ADAM19: variants seen among roughly 807,000 people sequenced by gnomAD.
The protein encoded by ADAM19 is disintegrin and metalloproteinase domain-containing protein 19.
Under a neutral mutation model 114.7 loss-of-function variants are expected in ADAM19, and 65 were observed. The observed-to-expected ratio is 0.57, with a 90% CI of 0.46 to 0.70. The LOEUF (loss-of-function observed/expected upper bound fraction) is 0.70. ADAM19 is among the 30% of genes least tolerant of loss of function. The pLI, the probability that ADAM19 is intolerant of heterozygous loss-of-function variation, is 0.00. For missense variants in ADAM19, 1,063 were observed against 1,204.7 expected, an observed-to-expected ratio of 0.88 and a Z score of 1.74; for synonymous variants, 466 against 460.5, an observed-to-expected ratio of 1.01 and a Z score of -0.15.
Position 157,537,956 on chromosome 5 carries a change from T to C in ADAM19, c.287A>G (p.Tyr96Cys). 6.2e-7 allele frequency: 1 copy of C among 1,614,098 alleles called. No individual in the cohort carries two copies. The highest frequency in any genetic ancestry group is 8.5e-7 in the Non-Finnish European group (1 of 1,180,016). ...LFAPSYTETH[Y>C]TSSGNPQTTT... Reference sequence around the variant, plus strand: ...GGTTTGAGGGTTACCACTTGAAGTATAATGGGTTTCTGTGTAGGAAGGAGC... The same window carrying C: ...GGTTTGAGGGTTACCACTTGAAGTACAATGGGTTTCTGTGTAGGAAGGAGC... The change falls in exon 4 of 23, where the codon TAT (tyrosine) becomes TGT (cysteine). Residue 96 changes from tyrosine (Y) to cysteine (C), a missense_variant. Tyr to Cys is a radical substitution (Grantham distance 194). Around this residue, in one of 3 missense-constraint regions of ADAM19, gnomAD observed 615 missense variants for 706.3 expected, o/e 0.87. Transcript: ENST00000257527.
intron 5 of ADAM19, among the ~76,000 whole-genome samples, chr5:157,527,382 T>C (rs1756496516): frequency 6.6e-6 from 1 of 152,180 alleles, no homozygotes; most frequent in Admixed American, 6.5e-5. Flanking sequence ...GACTAATTTT[T>C]TGTATTTCTA....
chr5:157,503,066 C>T, intron 11 of ADAM19, 86 bp from the exon 12 acceptor site: 2 of 1,330,014 alleles, frequency 1.5e-6, no homozygotes, highest in Non-Finnish European at 2.1e-6. Context: ...CTCCTGCTAC[C>T]CGTGGGGCTG....
At position 157,477,856 on chromosome 5, in the gene ADAM19, A is replaced by G; in HGVS notation, c.*3093T>C. The G allele has an allele frequency of 5.8e-6, 3 of 515,276 alleles. No individual in the cohort carries two copies. Among genetic ancestry groups the G allele is most frequent in the Non-Finnish European group, 9.5e-6 (3 of 315,186 alleles). 31.9% of individuals were successfully genotyped at this position (515,276 alleles called of 1,614,324 possible). On this transcript the variant is annotated 3_prime_UTR_variant, in exon 23 of 23. Coordinates refer to ENST00000257527, the MANE Select transcript of ADAM19 (RefSeq NM_033274.5). ...CAGGGGGAAGGGACTATGGCAATAC[A>G]AAAAAACACTCCAACCAGAAAATCA...
In ADAM19 at chr5:157,513,550, CAGG is replaced by C. The variant is rs1453474175; in HGVS notation, c.667-48_667-46del. Reference sequence around the variant, plus strand: ...CCATGTGAGATCCCAGAACCTCTCACAGGATGCTTCCTGCGCCCCATTACTTGT... The same window carrying C: ...CCATGTGAGATCCCAGAACCTCTCACATGCTTCCTGCGCCCCATTACTTGT... On this transcript the variant is annotated intron_variant, in intron 7 of 22. Coordinates refer to ENST00000257527, the MANE Select transcript of ADAM19 (RefSeq NM_033274.5). The C allele has an allele frequency of 2.6e-6, 4 of 1,551,466 alleles. No homozygotes were observed. The African/African-American group carries it at 5.4e-5, about 21-fold the overall frequency.
At chr5:157,519,501 A>G (rs11466755) in intron 6 of ADAM19, among the ~76,000 whole-genome samples, 36 of 152,020 alleles carry the variant, frequency 2.4e-4, no homozygotes, top group African/African-American at 8.4e-4. Flanking sequence ...CCCAGGCTGG[A>G]CTCAAACTCC....
At chr5:157,512,395 T>C (rs1303515341) in intron 8 of ADAM19, among the ~76,000 whole-genome samples, 1 of 152,252 alleles carries the variant, frequency 6.6e-6, no homozygotes, top group African/African-American at 2.4e-5. Context: ...GACCTGGAAT[T>C]CATGAATCCC....
chr5:157,482,081 T>A lies in ADAM19; in HGVS notation c.2551-138A>T, dbSNP rs1392534800. 3 of 703,148 alleles carry A rather than the reference T, an allele frequency of 4.3e-6. No individual in the cohort carries two copies. In the African/African-American group the frequency reaches 5.4e-5, roughly 13 times the overall value. 43.6% of individuals were successfully genotyped at this position (703,148 alleles called of 1,614,324 possible). On this transcript the variant is annotated intron_variant, in intron 21 of 22. Transcript: ENST00000257527. ...CCCATTTAGAAAGAAACTGTATGTA[T>A]AATGTGTTTATATTCTCAAGAGGAA... is the stretch of plus-strand genomic sequence containing the variant.
intron 7 of ADAM19, among the ~76,000 whole-genome samples, chr5:157,516,648 T>A (rs1379201629): frequency 6.6e-6 from 1 of 152,156 alleles, no homozygotes; most frequent in East Asian, 1.9e-4. Flanking sequence ...GGAACTTCCA[T>A]GTAACCAAAG....
At chr5:157,493,670 G>C (rs769314139) in intron 15 of ADAM19, among the ~76,000 whole-genome samples, 3 of 151,864 alleles carry the variant, frequency 2.0e-5, no homozygotes, top group African/African-American at 7.3e-5. Context: ...TGATTTCCCT[G>C]CCTCCAGTCT....
intron 1 of ADAM19, among the ~76,000 whole-genome samples, chr5:157,573,626 AGC>A (rs2113804944): frequency 6.6e-6 from 1 of 152,292 alleles, no homozygotes; most frequent in East Asian, 1.9e-4. Flanking sequence ...CATGCCAATA[AGC>A]CCAGCTACTC....
At position 157,509,481 on chromosome 5, in the gene ADAM19, G is replaced by C; in HGVS notation, c.739-14C>G. The C allele has an allele frequency of 1.3e-6, 2 of 1,566,990 alleles. No homozygotes were observed. The highest frequency in any genetic ancestry group is 1.7e-6 in the Non-Finnish European group (2 of 1,151,658). On this transcript the variant is annotated splice_polypyrimidine_tract_variant and intron_variant, in intron 8 of 22. Transcript: ENST00000257527. Reference sequence around the variant, plus strand: ...GGATCGGTAAAACTGAAAGGACACAGAAAAACCACAGTATCTGTCAATACC... The same window carrying C: ...GGATCGGTAAAACTGAAAGGACACACAAAAACCACAGTATCTGTCAATACC...
Position 157,479,001 on chromosome 5 carries a change from A to G in ADAM19, c.*1948T>C, listed in dbSNP as rs1421154006. 1 of 985,474 alleles carries G rather than the reference A, an allele frequency of 1.0e-6. No individual in the cohort carries two copies. The highest frequency in any genetic ancestry group is 1.2e-6 in the Non-Finnish European group (1 of 829,938). 61.0% of individuals were successfully genotyped at this position (985,474 alleles called of 1,614,324 possible). ...GCTTGTTTGTTTTGCAGAGGGGTGA[A>G]AGGGGATGTTTTCACCTTTACTTTC... On this transcript the variant is annotated 3_prime_UTR_variant, in exon 23 of 23. Coordinates refer to ENST00000257527, the MANE Select transcript of ADAM19 (RefSeq NM_033274.5).
chr5:157,573,704 C>G (rs891553178), intron 1 of ADAM19, among the ~76,000 whole-genome samples: 7 of 151,348 alleles, frequency 4.6e-5, no homozygotes, highest in African/African-American at 1.7e-4. Context: ...CCAGATCGTG[C>G]CACTGCATGC....
chr5:157,492,048 T>C, intron 16 of ADAM19, 136 bp from the exon 17 acceptor site: 1 of 740,430 alleles, frequency 1.4e-6, no homozygotes, highest in Non-Finnish European at 2.2e-6. Context: ...TCCCAGCACT[T>C]TGGGAGGCTG....
chr5:157,492,674 T>G (rs2113699813), intron 16 of ADAM19, among the ~76,000 whole-genome samples: 1 of 152,304 alleles, frequency 6.6e-6, no homozygotes, highest in South Asian at 2.1e-4. Flanking sequence ...TGTGCTATTA[T>G]TTTGCTCAGG....
chr5:157,537,122 G>C (rs528011550), intron 4 of ADAM19, among the ~76,000 whole-genome samples: 1 of 152,180 alleles, frequency 6.6e-6, no homozygotes, highest in Non-Finnish European at 1.5e-5. Context: ...TGCCAGTCAC[G>C]GCAATAAAAA....
In ADAM19 at chr5:157,519,920, G is replaced by T; in HGVS notation, c.519C>A (p.Asn173Lys). Residue 173 changes from asparagine (N) to lysine (K), a missense_variant, in exon 6 of 23, where the codon AAC becomes AAA. Physicochemically the swap from Asn to Lys is moderately conservative, Grantham distance 94. This residue lies in a region of ADAM19 where 615 missense variants were observed against 706.3 expected (regional missense o/e 0.87). Coordinates refer to ENST00000257527, the MANE Select transcript of ADAM19 (RefSeq NM_033274.5). ...TGGGCTTGGAGTGCTCGAACCCACAGTTTCCCGGGGGCGGCTTGAGATGTT... is the reference window on the plus strand; with the variant it reads ...TGGGCTTGGAGTGCTCGAACCCACATTTTCCCGGGGGCGGCTTGAGATGTT... ...RSEHLKPPPG[N>K]CGFEHSKPTT... is the part of the protein sequence containing the mutation. 6.2e-7 allele frequency: 1 copy of T among 1,614,146 alleles called. No homozygotes were observed. Among genetic ancestry groups the T allele is most frequent in the South Asian group, 1.1e-5 (1 of 91,074 alleles).
intron 1 of ADAM19, among the ~76,000 whole-genome samples, chr5:157,573,074 C>T (rs1757874970): frequency 1.3e-5 from 2 of 152,060 alleles, no homozygotes; most frequent in African/African-American, 2.4e-5. Context: ...GCCCTGGTGG[C>T]TCTGATAAGT....
intron 7 of ADAM19, among the ~76,000 whole-genome samples, chr5:157,515,196 C>T (rs1756056672): frequency 1.3e-5 from 2 of 152,306 alleles, no homozygotes; most frequent in Admixed American, 1.3e-4. Context: ...TTAGACCTTT[C>T]CAAGGTGTTA....
Sources: allele counts gnomAD v4.1 joint callset (sites outside exome capture counted in the v4.1 genomes callset), GRCh38; gene constraint gnomAD v4.1.1; regional missense constraint gnomAD v4.1.1; transcripts MANE v1.5; gene names NCBI Gene and HGNC (gene_info 2026-07-23, HGNC 2026-07-21).